FABP6: variants seen among roughly 807,000 people sequenced by gnomAD.
FABP6 encodes the protein gastrotropin.
Under a neutral mutation model 14.9 loss-of-function variants are expected in FABP6, and 13 were observed. The observed-to-expected ratio is 0.87, with a 90% CI of 0.57 to 1.39. The LOEUF (loss-of-function observed/expected upper bound fraction) is 1.39. Among genes scored for constraint, FABP6 ranks in the 40% most tolerant of loss-of-function variants. The pLI is 0.00. For synonymous variants in FABP6, 75 were observed against 63.6 expected (o/e 1.18, Z -0.85); for missense variants, 161 against 167.2 (o/e 0.96, Z 0.20).
intron 2 of FABP6, among the ~76,000 whole-genome samples, chr5:160,202,454 C>G (rs969107144): frequency 5.3e-5 from 8 of 152,172 alleles, no homozygotes; most frequent in African/African-American, 1.9e-4. Flanking sequence ...CCTACTCCCC[C>G]ACTTCACCAT....
Position 160,221,314 on chromosome 5 carries a change from A to G in FABP6, c.135+7495A>G, listed in dbSNP as rs911638146. ...GCTCTGGGGATTTTTGCAAGGGACA[A>G]TCTCTACAGGTTGGACTAATCAAAA... On this transcript the variant is annotated intron_variant, in intron 3 of 6. Transcript: ENST00000393980. Among the ~76,000 whole-genome samples the G allele has an allele frequency of 4.6e-5, 7 of 152,154 alleles. No individual in the cohort carries two copies. The East Asian group carries it at 1.2e-3, about 25-fold the overall frequency.
chr5:160,233,006 G>A (rs1186573896), intron 2 of FABP6, among the ~76,000 whole-genome samples: 3 of 144,458 alleles, frequency 2.1e-5, no homozygotes, highest in Admixed American at 1.4e-4. Flanking sequence ...TTTTTTATTC[G>A]AGACTCACTC....
chr5:160,232,509 T>C (rs1760412722), intron 2 of FABP6, among the ~76,000 whole-genome samples: 1 of 152,186 alleles, frequency 6.6e-6, no homozygotes, highest in Non-Finnish European at 1.5e-5. Flanking sequence ...GCTAGACACT[T>C]GCTGAATAGT....
chr5:160,198,875 T>C, intron 1 of FABP6: 1 of 567,546 alleles, frequency 1.8e-6, no homozygotes, highest in Non-Finnish European at 3.1e-6. Context: ...CTTTTGACTT[T>C]ATCTTCTTAA....
intron 1 of FABP6, among the ~76,000 whole-genome samples, chr5:160,192,351 T>C (rs1403321962): frequency 6.6e-6 from 1 of 151,964 alleles, no homozygotes; most frequent in Non-Finnish European, 1.5e-5. Flanking sequence ...CCTCACCCTG[T>C]GTTCTCCTGT....
At chr5:160,188,994 T>C (rs560370035) in intron 1 of FABP6, among the ~76,000 whole-genome samples, 1 of 152,256 alleles carries the variant, frequency 6.6e-6, no homozygotes, top group East Asian at 1.9e-4. Flanking sequence ...TTCTTTATTT[T>C]CCCTCCTTCT....
intron 3 of FABP6, among the ~76,000 whole-genome samples, chr5:160,217,180 G>T (rs6891770): frequency 1.3e-5 from 2 of 152,042 alleles, no homozygotes; most frequent in South Asian, 2.1e-4. Context: ...ATGCTCCATG[G>T]GGGCAGCAAG....
At chr5:160,222,659 T>C (rs1195019434) in intron 3 of FABP6, among the ~76,000 whole-genome samples, 3 of 152,182 alleles carry the variant, frequency 2.0e-5, no homozygotes, top group Admixed American at 6.5e-5. Context: ...TGAAGATATG[T>C]TACTTTTATA....
intron 1 of FABP6, 156 bp from the exon 2 acceptor site, chr5:160,231,942 C>T (rs184639290): frequency 1.1e-5 from 8 of 740,998 alleles, no homozygotes; most frequent in Admixed American, 6.0e-5. Flanking sequence ...GCTCACAGCA[C>T]GTATTAGCTG....
upstream of FABP6, among the ~76,000 whole-genome samples, chr5:160,227,804 T>TA (rs1362610118): frequency 7.1e-6 from 1 of 139,988 alleles, no homozygotes; most frequent in African/African-American, 2.7e-5. Context: ...ATATATAACT[T>TA]AAAAAAATCC....
intron 3 of FABP6, among the ~76,000 whole-genome samples, chr5:160,237,119 A>G (rs919871335): frequency 2.6e-5 from 4 of 152,172 alleles, no homozygotes; most frequent in Admixed American, 1.3e-4. Flanking sequence ...CTTTTGATGC[A>G]TTTTTACATG....
At chr5:160,198,908 C>CG (rs1378388368) in intron 1 of FABP6, 1 of 587,212 alleles carries the variant, frequency 1.7e-6, no homozygotes, top group Non-Finnish European at 3.0e-6. Flanking sequence ...AGGGACCTCA[C>CG]GTGTTTCTTC....
At chr5:160,230,795 A>G (rs4244407) in intron 1 of FABP6, among the ~76,000 whole-genome samples, 137,269 of 152,100 alleles carry the variant, frequency 0.9, 62,054 homozygotes, top group East Asian at 0.98. Context: ...GTGTCACCAC[A>G]TCCTGCCTGG....
At chr5:160,234,097 G>A (rs1013136892) in intron 2 of FABP6, among the ~76,000 whole-genome samples, 4 of 152,158 alleles carry the variant, frequency 2.6e-5, no homozygotes, top group Non-Finnish European at 4.4e-5. Context: ...TAAGCTGTAA[G>A]TCTGCCTTTC....
chr5:160,221,753 T>A (rs987365126), intron 3 of FABP6, among the ~76,000 whole-genome samples: 1 of 152,190 alleles, frequency 6.6e-6, no homozygotes, highest in African/African-American at 2.4e-5. Flanking sequence ...TTTATGTCCA[T>A]GATGTATATC....
upstream of FABP6, chr5:160,229,325 T>A (rs529515434): frequency 5.5e-5 from 50 of 916,228 alleles, 1 homozygote; most frequent in South Asian, 1.1e-3. Context: ...CTGCTGGCAA[T>A]GGGGTGACAG....
At chr5:160,225,280 A>G (rs914173240), upstream of FABP6, among the ~76,000 whole-genome samples, 3 of 143,464 alleles carry the variant, frequency 2.1e-5, no homozygotes, top group African/African-American at 7.8e-5. Context: ...TATTTTTACT[A>G]GAGATGGGGT....
upstream of FABP6, chr5:160,228,476 A>G: frequency 2.2e-6 from 1 of 456,304 alleles, no homozygotes; most frequent in Non-Finnish European, 4.4e-6. Flanking sequence ...AATGCAGAGG[A>G]CATTCTCACA....
intron 1 of FABP6, among the ~76,000 whole-genome samples, chr5:160,193,878 T>C (rs1308272588): frequency 6.6e-6 from 1 of 152,250 alleles, no homozygotes; most frequent in African/African-American, 2.4e-5. Flanking sequence ...TGCCTGCCAG[T>C]CACGCGCCAT....
Sources: gnomAD v4.1 joint callset for allele counts (sites outside exome capture counted in the v4.1 genomes callset) on GRCh38, gnomAD v4.1.1 for gene constraint, MANE v1.5 for transcripts, NCBI Gene and HGNC (gene_info 2026-07-23, HGNC 2026-07-21) for gene names.